TBC1D4: variants seen among roughly 807,000 people sequenced by gnomAD.
TBC1D4 encodes TBC1 domain family member 4, also known as TBC (Tre-2, BUB2, CDC16) domain-containing protein.
A neutral mutation model predicts 142.5 loss-of-function variants in TBC1D4; 121 were observed. The observed-to-expected ratio is 0.85, with a 90% CI of 0.73 to 0.99. The LOEUF is 0.99. Ranked by LOEUF, TBC1D4 falls within the 50% of genes least tolerant of loss-of-function variation. TBC1D4 has a pLI of 0.00. For synonymous variants in TBC1D4, 630 were observed against 628.2 expected (o/e 1.00, Z -0.04); for missense variants, 1,475 against 1,606.6 (o/e 0.92, Z 1.40).
At chr13:75,446,302 A>G (rs1224643965) in intron 1 of TBC1D4, among the ~76,000 whole-genome samples, 1 of 152,228 alleles carries the variant, frequency 6.6e-6, no homozygotes, top group Non-Finnish European at 1.5e-5. Context: ...CTTTTAGAAC[A>G]TTCGTAATGT....
chr13:75,333,158 T>C (rs1020336626), intron 8 of TBC1D4, among the ~76,000 whole-genome samples: 2 of 152,216 alleles, frequency 1.3e-5, no homozygotes, highest in Admixed American at 1.3e-4. Flanking sequence ...GGTGAAATTT[T>C]TCTTTGTGTA....
At chr13:75,443,144 T>A (rs1887123528) in intron 1 of TBC1D4, among the ~76,000 whole-genome samples, 1 of 152,226 alleles carries the variant, frequency 6.6e-6, no homozygotes, top group Non-Finnish European at 1.5e-5. Context: ...GATGCACAAG[T>A]GAATGCCAAC....
intron 1 of TBC1D4, among the ~76,000 whole-genome samples, chr13:75,448,053 A>T (rs1479925835): frequency 6.6e-6 from 1 of 152,132 alleles, no homozygotes; most frequent in African/African-American, 2.4e-5. Context: ...CATCCCCGCC[A>T]CCAGTCCACA....
chr13:75,362,901 C>G lies in TBC1D4; in HGVS notation c.499-294G>C, dbSNP rs1042788377. ...ATAAGCCACTGCCAACCTATTATGT[C>G]ATAATATGTCTTTTGATTGTGTTTA... On this transcript the variant is annotated intron_variant, in intron 1 of 20. Transcript: ENST00000377636. This position sits in a 1 kb window ranked among gnomAD's most constrained non-coding sequence, Gnocchi z 4.2. Among the ~76,000 whole-genome samples, 3 of 152,182 alleles carry G rather than the reference C, an allele frequency of 2.0e-5. No individual in the cohort carries two copies. The highest frequency in any genetic ancestry group is 4.4e-5 in the Non-Finnish European group (3 of 68,032).
At chr13:75,403,842 A>C (rs1885209376) in intron 1 of TBC1D4, among the ~76,000 whole-genome samples, 1 of 152,206 alleles carries the variant, frequency 6.6e-6, no homozygotes, top group Non-Finnish European at 1.5e-5. Flanking sequence ...GTGAACAGAG[A>C]CTTCTTAAGA....
intron 15 of TBC1D4, among the ~76,000 whole-genome samples, chr13:75,304,539 T>C (rs552774893): frequency 3.3e-5 from 5 of 152,222 alleles, no homozygotes; most frequent in South Asian, 2.1e-4. Context: ...TATGATTAAG[T>C]ATAATAAATC....
Position 75,327,752 on chromosome 13 carries a change from C to T in TBC1D4, c.1806G>A (p.Lys602=), listed in dbSNP as rs1186037060. ...FERSNSLASE[K]DYSPGDSPPG... is the part of the protein sequence containing the mutation. ...GTGTAAACAAGCTCTAGTTAGATAC[C>T]TTCTCTGAAGCAAGACTGTTGGACC... The change falls in exon 9 of 21, where the codon AAG becomes AAA. Residue 602 remains lysine, a splice_region_variant and synonymous_variant. Coordinates refer to ENST00000377636, the MANE Select transcript of TBC1D4 (RefSeq NM_014832.5). 6.2e-7 allele frequency: 1 copy of T among 1,613,962 alleles called. No individual in the cohort carries two copies. The highest frequency in any genetic ancestry group is 1.1e-5 in the South Asian group (1 of 91,082).
intron 1 of TBC1D4, among the ~76,000 whole-genome samples, chr13:75,463,317 G>T (rs7320071): frequency 0.29 from 43,612 of 152,042 alleles, 6,543 homozygotes; most frequent in Non-Finnish European, 0.34. Flanking sequence ...AAGTGGAATT[G>T]ATTCCTGGAG....
intron 17 of TBC1D4, among the ~76,000 whole-genome samples, chr13:75,298,428 C>G (rs1876174158): frequency 6.6e-6 from 1 of 152,132 alleles, no homozygotes; most frequent in African/African-American, 2.4e-5. Flanking sequence ...CTCAAAATAC[C>G]TGGAAAATCT....
chr13:75,318,703 C>T (rs1878511493), intron 12 of TBC1D4, among the ~76,000 whole-genome samples: 1 of 152,122 alleles, frequency 6.6e-6, no homozygotes, highest in African/African-American at 2.4e-5. Flanking sequence ...TGAGATTAAA[C>T]TATTCTAGTG....
rs1050957735 is a variant in TBC1D4, at chr13:75,285,383, T to C, written c.*1409A>G. ...AATCCATCTGTGAAAATACAAGTAC[T>C]GCAAAAAGCAGTGAGGATAAATACT... is the stretch of plus-strand genomic sequence containing the variant. On this transcript the variant is annotated 3_prime_UTR_variant, in exon 21 of 21. Coordinates refer to ENST00000377636, the MANE Select transcript of TBC1D4 (RefSeq NM_014832.5). The C allele has an allele frequency of 2.0e-5, 3 of 152,132 alleles. No individual in the cohort carries two copies. The highest frequency in any genetic ancestry group is 7.2e-5 in the African/African-American group (3 of 41,446). The allele number at this position is 152,132 out of a possible 1,614,324, so 9.4% of individuals were successfully genotyped here. A position where few individuals can be genotyped will look rare whatever the true frequency, so the allele number is the denominator to read the frequency against.
At chr13:75,315,812 C>G (rs1878269320) in intron 12 of TBC1D4, among the ~76,000 whole-genome samples, 1 of 152,140 alleles carries the variant, frequency 6.6e-6, no homozygotes, top group South Asian at 2.1e-4. Flanking sequence ...TATTGGGAGT[C>G]AAGTCCTAAT....
intron 1 of TBC1D4, among the ~76,000 whole-genome samples, chr13:75,464,941 C>A (rs1460721628): frequency 6.6e-6 from 1 of 152,176 alleles, no homozygotes; most frequent in Admixed American, 6.5e-5. Context: ...ACATTACCTT[C>A]TTTTCCTTCA....
intron 1 of TBC1D4, among the ~76,000 whole-genome samples, chr13:75,452,954 A>G (rs190586319): frequency 9.6e-4 from 146 of 152,296 alleles, no homozygotes; most frequent in African/African-American, 3.3e-3. Context: ...CAATAAATAC[A>G]GGTTTAATAA....
In TBC1D4 at chr13:75,362,082, C is replaced by T. The variant is rs760407055; in HGVS notation, c.1024G>A (p.Ala342Thr). 6.2e-7 allele frequency: 1 copy of T among 1,613,954 alleles called. No homozygotes were observed. Among genetic ancestry groups the T allele is most frequent in the Non-Finnish European group, 8.5e-7 (1 of 1,180,042 alleles). ...TCCGAGGGCTGGACGTGACTGGGTG[C>T]GCTCGCGTGTCTCCGTCGCGGCTGG... ...KSQPRRRHAS[A>T]PSHVQPSDSE... Residue 342 changes from alanine (A) to threonine (T), a missense_variant, in exon 2 of 21, where the codon GCA (alanine) becomes ACA (threonine). By Grantham distance (58) the Ala-to-Thr change is moderately conservative. This residue lies in a region of TBC1D4 where 1,227 missense variants were observed against 1,267.7 expected (regional missense o/e 0.97). Transcript: ENST00000377636. This position sits in a 1 kb window ranked among gnomAD's most constrained non-coding sequence, Gnocchi z 4.2.
At chr13:75,330,611 A>G (rs1200614589) in intron 8 of TBC1D4, among the ~76,000 whole-genome samples, 1 of 152,202 alleles carries the variant, frequency 6.6e-6, no homozygotes, top group Non-Finnish European at 1.5e-5. Flanking sequence ...AAGGGCAGCA[A>G]TTTTGACACA....
intron 19 of TBC1D4, 81 bp from the exon 20 acceptor site, chr13:75,289,191 G>A (rs1875007344): frequency 1.3e-6 from 2 of 1,524,044 alleles, no homozygotes; most frequent in African/African-American, 1.4e-5. Flanking sequence ...TATATTTCAT[G>A]TATATTTCCA....
intron 1 of TBC1D4, among the ~76,000 whole-genome samples, chr13:75,407,897 C>G (rs7338140): frequency 0.12 from 17,664 of 151,838 alleles, 1,796 homozygotes; most frequent in African/African-American, 0.27. Context: ...AGATGGTACA[C>G]ATAAAACAGA....
Position 75,356,238 on chromosome 13 carries a change from A to C in TBC1D4, c.1184T>G (p.Val395Gly), listed in dbSNP as rs1347525185. ...CCGGCAGATAAAGCCAAAGTGATCC[A>C]CATGCTTTATACCCTAGATGGAGGG... ...ISSCSQGIKH[V>G]DHFGFICRES... Residue 395 changes from valine to glycine, a missense_variant, in exon 4 of 21, where the codon GTG becomes GGG. Around this residue, in one of 2 missense-constraint regions of TBC1D4, gnomAD observed 1,227 missense variants for 1,267.7 expected, o/e 0.97. Coordinates refer to ENST00000377636, the MANE Select transcript of TBC1D4 (RefSeq NM_014832.5). 1 of 1,612,494 alleles carries C rather than the reference A, an allele frequency of 6.2e-7. No individual in the cohort carries two copies. Among genetic ancestry groups the C allele is most frequent in the Admixed American group, 1.7e-5 (1 of 59,928 alleles).
Sources: gnomAD v4.1 joint callset for allele counts (sites outside exome capture counted in the v4.1 genomes callset) on GRCh38, gnomAD v4.1.1 for gene constraint, gnomAD v4.1.1 regional missense constraint, Gnocchi (gnomAD v3.1) non-coding constraint, MANE v1.5 for transcripts, NCBI Gene and HGNC (gene_info 2026-07-23, HGNC 2026-07-21) for gene names.